C1QB: variants seen among roughly 807,000 people sequenced by gnomAD.
The protein encoded by C1QB is complement C1q B chain.
C1QB carries 2 observed loss-of-function variants against 4.6 expected under a neutral mutation model. The ratio of observed to expected loss-of-function variants is 0.43; its 90% CI spans 0.18 to 1.36. The LOEUF (loss-of-function observed/expected upper bound fraction) is 1.36. Ranked by LOEUF, C1QB falls within the 40% of genes most tolerant of loss-of-function variation. The pLI, the probability that C1QB is intolerant of heterozygous loss-of-function variation, is 0.28. For missense variants in C1QB, 292 were observed against 338.0 expected (o/e 0.86, Z 1.07); for synonymous variants, 132 against 137.1 (o/e 0.96, Z 0.26).
Position 22,661,017 on chromosome 1 carries a change from C to T in C1QB, c.387C>T (p.Asn129=), listed in dbSNP as rs145412230. 273 of 1,613,920 alleles carry T rather than the reference C, an allele frequency of 1.7e-4. No homozygotes were observed. Among genetic ancestry groups the T allele is most frequent in the Non-Finnish European group, 2.1e-4 (248 of 1,179,988 alleles). ...KIAFSATRTI[N]VPLRRDQTIR... ...CCTTCTCTGCCACAAGAACCATCAA[C>T]GTCCCCCTGCGCCGGGACCAGACCA... Residue 129 remains asparagine (N), a synonymous_variant, in exon 3 of 3, where the codon AAC becomes AAT. Coordinates refer to ENST00000509305, the MANE Select transcript of C1QB (RefSeq NM_001378156.1).
At chr1:22,660,716 A>T in intron 2 of C1QB, 96 bp from the exon 3 acceptor site, 1 of 1,234,008 alleles carries the variant, frequency 8.1e-7, no homozygotes, top group Non-Finnish European at 1.2e-6. Context: ...TGGGAGACTG[A>T]GGCTCAGAGA....
chr1:22,659,115 TAGAG>T lies in C1QB; in HGVS notation c.-23-321_-23-318del, dbSNP rs377150537. Among the ~76,000 whole-genome samples, 98 of 121,756 alleles carry T rather than the reference TAGAG, an allele frequency of 8.0e-4. 1 individual carries two copies. The highest frequency in any genetic ancestry group is 3.0e-3 in the African/African-American group (92 of 30,638). The allele number at this position is 121,756 out of a possible 152,430, so 79.9% of individuals were successfully genotyped here. ...GAGGGATGGATGCAGGGATGGAGGATAGAGAGATAGATGGATGGATGGATGAATG... is the reference window on the plus strand; with the variant it reads ...GAGGGATGGATGCAGGGATGGAGGATAGATAGATGGATGGATGGATGAATG... On this transcript the variant is annotated intron_variant, in intron 1 of 2. Coordinates refer to ENST00000509305, the MANE Select transcript of C1QB (RefSeq NM_001378156.1).
At position 22,661,205 on chromosome 1, in the gene C1QB, T is replaced by C; in HGVS notation, c.575T>C (p.Val192Ala). 1 of 1,613,850 alleles carries C rather than the reference T, an allele frequency of 6.2e-7. No homozygotes were observed. The highest frequency in any genetic ancestry group is 8.5e-7 in the Non-Finnish European group (1 of 1,179,862). The change falls in exon 3 of 3, where the codon GTG (valine) becomes GCG (alanine). Residue 192 changes from valine to alanine, a missense_variant. Coordinates refer to ENST00000509305, the MANE Select transcript of C1QB (RefSeq NM_001378156.1). Reference sequence around the variant, plus strand: ...CGTGGCCGGGAGCGTGCACAGAAGGTGGTCACCTTCTGTGACTATGCCTAC... The same window carrying C: ...CGTGGCCGGGAGCGTGCACAGAAGGCGGTCACCTTCTGTGACTATGCCTAC... ...LMRGRERAQK[V>A]VTFCDYAYNT...
intron 1 of C1QB, among the ~76,000 whole-genome samples, chr1:22,657,301 T>G (rs1361488739): frequency 3.3e-5 from 5 of 152,198 alleles, no homozygotes; most frequent in Non-Finnish European, 7.3e-5. Flanking sequence ...TTGGAAATTC[T>G]AAGGATTTTA....
intron 1 of C1QB, among the ~76,000 whole-genome samples, chr1:22,659,061 G>A (rs544012921): frequency 1.1e-3 from 168 of 150,514 alleles, no homozygotes; most frequent in African/African-American, 3.9e-3. Context: ...ATGGATGGAT[G>A]GATGGATGGA....
Position 22,660,931 on chromosome 1 carries a change from G to C in C1QB, c.301G>C (p.Ala101Pro). The part of the protein sequence containing the change: ...GPMGPKGGPG[A>P]PGAPGPKGES... ...CATGGGCCCTAAAGGTGGCCCAGGG[G>C]CCCCTGGAGCCCCAGGCCCCAAAGG... Residue 101 changes from alanine (A) to proline (P), a missense_variant, in exon 3 of 3, where the codon GCC (alanine) becomes CCC (proline). Physicochemically the swap from Ala to Pro is conservative, Grantham distance 27. Coordinates refer to ENST00000509305, the MANE Select transcript of C1QB (RefSeq NM_001378156.1). 1 of 1,613,480 alleles carries C rather than the reference G, an allele frequency of 6.2e-7. No homozygotes were observed. Among genetic ancestry groups the C allele is most frequent in the Non-Finnish European group, 8.5e-7 (1 of 1,179,738 alleles).
At chr1:22,656,372 T>C (rs2148302742) in intron 1 of C1QB, among the ~76,000 whole-genome samples, 1 of 152,222 alleles carries the variant, frequency 6.6e-6, no homozygotes, top group East Asian at 1.9e-4. Context: ...TGTCCACCAA[T>C]GATGAGTGGA....
Position 22,661,276 on chromosome 1 carries a change from CA to C in C1QB, c.647del (p.Gln216ArgfsTer75). 6.2e-7 allele frequency: 1 copy of C among 1,613,738 alleles called. No individual in the cohort carries two copies. Among genetic ancestry groups the C allele is most frequent in the Non-Finnish European group, 8.5e-7 (1 of 1,179,712 alleles). On this transcript the variant is annotated frameshift_variant, in exon 3 of 3. Coordinates refer to ENST00000509305, the MANE Select transcript of C1QB (RefSeq NM_001378156.1). LOFTEE classifies it high-confidence loss of function. ...TTGGMVLKLE[Q>X]GENVFLQATD... Reference sequence around the variant, plus strand: ...CGGTGGCATGGTCCTCAAGCTGGAGCAGGGGGAGAACGTCTTCCTGCAGGCC... The same window carrying C: ...CGGTGGCATGGTCCTCAAGCTGGAGCGGGGGAGAACGTCTTCCTGCAGGCC...
intron 1 of C1QB, among the ~76,000 whole-genome samples, chr1:22,655,215 G>A (rs145961859): frequency 4.6e-5 from 7 of 152,336 alleles, no homozygotes; most frequent in Non-Finnish European, 7.3e-5. Flanking sequence ...TTTAGCAAGA[G>A]CAAGAGTGAG....
At position 22,661,339 on chromosome 1, in the gene C1QB, A is replaced by C; in HGVS notation, c.709A>C (p.Asn237His). 7.4e-6 allele frequency: 12 copies of C among 1,613,948 alleles called. No individual in the cohort carries two copies. The highest frequency in any genetic ancestry group is 1.0e-5 in the Non-Finnish European group (12 of 1,179,970). ...KNSLLGMEGA[N>H]SIFSGFLLFP... Reference sequence around the variant, plus strand: ...CTCACTACTGGGCATGGAGGGTGCCAACAGCATCTTTTCCGGGTTCCTGCT... The same window carrying C: ...CTCACTACTGGGCATGGAGGGTGCCCACAGCATCTTTTCCGGGTTCCTGCT... Residue 237 changes from asparagine (N) to histidine (H), a missense_variant, in exon 3 of 3, where the codon AAC (asparagine) becomes CAC (histidine). Asn to His is a moderately conservative substitution (Grantham distance 68). Coordinates refer to ENST00000509305, the MANE Select transcript of C1QB (RefSeq NM_001378156.1).
At chr1:22,658,501 A>G (rs1642559310) in intron 1 of C1QB, among the ~76,000 whole-genome samples, 1 of 152,200 alleles carries the variant, frequency 6.6e-6, no homozygotes, top group Non-Finnish European at 1.5e-5. Flanking sequence ...TCAGAGCACC[A>G]ATCACGGTCT....
intron 2 of C1QB, among the ~76,000 whole-genome samples, chr1:22,660,005 C>T (rs989334447): frequency 1.3e-5 from 2 of 152,146 alleles, no homozygotes; most frequent in Non-Finnish European, 2.9e-5. Flanking sequence ...TATTTCCTCA[C>T]CTGTAAGATG....
chr1:22,658,311 T>A (rs557122817), intron 1 of C1QB, among the ~76,000 whole-genome samples: 2 of 152,236 alleles, frequency 1.3e-5, no homozygotes, highest in Non-Finnish European at 2.9e-5. Flanking sequence ...ATATTCTCTG[T>A]CCTCCTGGAA....
chr1:22,660,725 G>A (rs1642606706), intron 2 of C1QB, 87 bp from the exon 3 acceptor site: 5 of 1,341,416 alleles, frequency 3.7e-6, no homozygotes, highest in Non-Finnish European at 4.3e-6. Context: ...GAGGCTCAGA[G>A]AGAGGCAGGG....
At chr1:22,657,141 A>G (rs1327585839) in intron 1 of C1QB, among the ~76,000 whole-genome samples, 1 of 152,126 alleles carries the variant, frequency 6.6e-6, no homozygotes, top group Non-Finnish European at 1.5e-5. Flanking sequence ...TTTAACCTTC[A>G]GCCCCACTCC....
At position 22,661,288 on chromosome 1, in the gene C1QB, G is replaced by C; in HGVS notation, c.658G>C (p.Val220Leu). The stretch of plus-strand genomic sequence containing the variant: ...CCTCAAGCTGGAGCAGGGGGAGAAC[G>C]TCTTCCTGCAGGCCACCGACAAGAA... Reference protein sequence around the residue: ...MVLKLEQGENVFLQATDKNSL... With the variant: ...MVLKLEQGENLFLQATDKNSL... Residue 220 changes from valine (V) to leucine (L), a missense_variant, in exon 3 of 3, where the codon GTC (valine) becomes CTC (leucine). Physicochemically the swap from Val to Leu is conservative, Grantham distance 32. Coordinates refer to ENST00000509305, the MANE Select transcript of C1QB (RefSeq NM_001378156.1). 1 of 1,613,934 alleles carries C rather than the reference G, an allele frequency of 6.2e-7. No individual in the cohort carries two copies. The highest frequency in any genetic ancestry group is 8.5e-7 in the Non-Finnish European group (1 of 1,179,912).
At chr1:22,659,141 A>G (rs1482812953) in intron 1 of C1QB, among the ~76,000 whole-genome samples, 23 of 130,254 alleles carry the variant, frequency 1.8e-4, no homozygotes, top group African/African-American at 5.1e-4. Flanking sequence ...TGGATGGATG[A>G]ATGGATGGAT....
intron 1 of C1QB, among the ~76,000 whole-genome samples, chr1:22,656,349 G>A (rs756551195): frequency 2.6e-4 from 40 of 152,126 alleles, no homozygotes; most frequent in Non-Finnish European, 5.4e-4. Flanking sequence ...CCAAAAGGTG[G>A]AAACTTCCCA....
chr1:22,656,158 C>T (rs905461686), intron 1 of C1QB, among the ~76,000 whole-genome samples: 7 of 152,102 alleles, frequency 4.6e-5, no homozygotes, highest in Non-Finnish European at 4.4e-5. Context: ...AGGCACCACA[C>T]GGGGGACCTT....
Sources: gnomAD v4.1 joint callset for allele counts (sites outside exome capture counted in the v4.1 genomes callset) on GRCh38, gnomAD v4.1.1 for gene constraint, MANE v1.5 for transcripts, NCBI Gene and HGNC (gene_info 2026-07-23, HGNC 2026-07-21) for gene names.